A2M: variants seen among roughly 807,000 people sequenced by gnomAD.
The protein encoded by A2M is C3 and PZP-like alpha-2-macroglobulin domain-containing protein 5.
A neutral mutation model predicts 183.9 loss-of-function variants in A2M; 128 were observed. The observed-to-expected ratio is 0.70, with a 90% CI of 0.60 to 0.81. The LOEUF is 0.81. Among genes scored for constraint, A2M ranks in the 30% least tolerant of loss-of-function variants. The pLI, the probability that A2M is intolerant of heterozygous loss-of-function variation, is 0.00. For synonymous variants in A2M, 592 were observed against 670.8 expected, an observed-to-expected ratio of 0.88 and a Z score of 1.81; for missense variants, 1,495 against 1,787.6, an observed-to-expected ratio of 0.84 and a Z score of 2.95.
chr12:9,109,622 C>T (rs1938572813), intron 6 of A2M, among the ~76,000 whole-genome samples: 1 of 152,152 alleles, frequency 6.6e-6, no homozygotes, highest in South Asian at 2.1e-4. Flanking sequence ...TGGAAAACTC[C>T]ATTAAAACAA....
intron 8 of A2M, 50 bp from the exon 9 acceptor site, chr12:9,106,655 A>G: frequency 1.1e-6 from 1 of 939,126 alleles, no homozygotes; most frequent in Non-Finnish European, 1.7e-6. Flanking sequence ...ATTATACTAA[A>G]TAGATCAGTG....
Position 9,102,820 on chromosome 12 carries a change from T to G in A2M, c.1267-1146A>C, listed in dbSNP as rs183291684. 3.0e-4 allele frequency among the ~76,000 whole-genome samples: 46 copies of G among 152,346 alleles called. No individual in the cohort carries two copies. The East Asian group carries it at 8.5e-3, about 28-fold the overall frequency. On this transcript the variant is annotated intron_variant, in intron 11 of 35. Coordinates refer to ENST00000318602, the MANE Select transcript of A2M (RefSeq NM_000014.6). Reference sequence around the variant, plus strand: ...GGCACGTGGAAAGCATTCAAGACACTTTTTGAAATGAGTAAACATTCAAAT... The same window carrying G: ...GGCACGTGGAAAGCATTCAAGACACGTTTTGAAATGAGTAAACATTCAAAT...
chr12:9,101,332 C>A (rs1376287852), intron 12 of A2M, 115 bp downstream of exon 12: 4 of 1,348,732 alleles, frequency 3.0e-6, no homozygotes, highest in Non-Finnish European at 4.1e-6. Context: ...ATCAAACTTT[C>A]AAAAGGAACA....
Position 9,070,536 on chromosome 12 carries a change from A to G in A2M, c.4146T>C (p.Asp1382=). 1 of 1,613,902 alleles carries G rather than the reference A, an allele frequency of 6.2e-7. No homozygotes were observed. Among genetic ancestry groups the G allele is most frequent in the Non-Finnish European group, 8.5e-7 (1 of 1,179,860 alleles). ...SRSASNMAIV[D]VKMVSGFIPL... ...GAATGAAGCCAGAGACCATCTTCAC[A>G]TCAACGATCGCCATGTTGGAGGCAG... Residue 1382 remains aspartate, a synonymous_variant, in exon 32 of 36, where the codon GAT becomes GAC. Coordinates refer to ENST00000318602, the MANE Select transcript of A2M (RefSeq NM_000014.6).
intron 35 of A2M, 111 bp from the exon 36 acceptor site, chr12:9,067,950 C>T: frequency 1.8e-6 from 2 of 1,095,204 alleles, no homozygotes; most frequent in South Asian, 2.7e-5. Flanking sequence ...CTAATCAGTA[C>T]AGTGGGAAAC....
chr12:9,101,653 G>A lies in A2M; in HGVS notation c.1288C>T (p.Pro430Ser), dbSNP rs759075060. The A allele has an allele frequency of 6.2e-7, 1 of 1,613,644 alleles. No individual in the cohort carries two copies. The highest frequency in any genetic ancestry group is 8.5e-7 in the Non-Finnish European group (1 of 1,179,656). The change falls in exon 12 of 36, where the codon CCC becomes TCC. Residue 430 changes from proline (P) to serine (S), a missense_variant. Pro to Ser is a moderately conservative substitution (Grantham distance 74). Transcript: ENST00000318602. The part of the protein sequence containing the change: ...TVRVNYKDRS[P>S]CYGYQWVSEE... ...GACACCCACTGGTAGCCGTAACAGG[G>A]ACTACGATCCTTGTAATTGACCTAA... is the stretch of plus-strand genomic sequence containing the variant.
At chr12:9,108,302 T>A (rs1250444490) in intron 7 of A2M, among the ~76,000 whole-genome samples, 3 of 151,852 alleles carry the variant, frequency 2.0e-5, no homozygotes, top group Admixed American at 6.6e-5. Flanking sequence ...ATTTTTTGTA[T>A]TTTTTAGTAG....
At chr12:9,101,322 ATCAAACTT>A (rs1191488355) in intron 12 of A2M, 115 bp from the exon 13 acceptor site, 20 of 1,369,630 alleles carry the variant, frequency 1.5e-5, no homozygotes, top group Non-Finnish European at 2.0e-5. Flanking sequence ...CTCAAGAGAA[ATCAAACTT>A]TCAAAAGGAA....
intron 18 of A2M, among the ~76,000 whole-genome samples, chr12:9,092,480 G>A (rs900701509): frequency 3.9e-5 from 6 of 152,266 alleles, no homozygotes; most frequent in Middle Eastern, 3.4e-3. Context: ...TCTCCTAAGG[G>A]TTGGGCTTCT....
intron 25 of A2M, among the ~76,000 whole-genome samples, chr12:9,078,190 T>C (rs1180426719): frequency 7.9e-5 from 12 of 152,148 alleles, no homozygotes; most frequent in Admixed American, 7.9e-4. Flanking sequence ...TTCCCTCCCG[T>C]CACCCCACAC....
At chr12:9,110,141 T>A in intron 5 of A2M, 106 bp from the exon 6 acceptor site, 1 of 1,281,200 alleles carries the variant, frequency 7.8e-7, no homozygotes, top group Non-Finnish European at 1.1e-6. Flanking sequence ...TCAAATGGGG[T>A]AGTAGTAAAG....
intron 13 of A2M, 44 bp downstream of exon 13, chr12:9,101,099 TG>T (rs1206904143): frequency 6.6e-7 from 1 of 1,525,126 alleles, no homozygotes; most frequent in South Asian, 1.2e-5. Flanking sequence ...TAAGGCTGAA[TG>T]GGTCAGAATG....
intron 16 of A2M, among the ~76,000 whole-genome samples, chr12:9,095,329 G>GA (rs1301222776): frequency 1.7e-4 from 26 of 152,116 alleles, no homozygotes; most frequent in African/African-American, 5.1e-4. Flanking sequence ...TAATTCCTGT[G>GA]AAAAAAGAAA....
chr12:9,090,264 C>A, intron 20 of A2M, 92 bp downstream of exon 20: 1 of 1,581,972 alleles, frequency 6.3e-7, no homozygotes, highest in South Asian at 1.1e-5. Flanking sequence ...ATCTAGTGGT[C>A]TTTTCCTGAA....
intron 18 of A2M, 102 bp downstream of exon 18, chr12:9,093,363 A>T: frequency 1.3e-6 from 1 of 754,892 alleles, no homozygotes; most frequent in South Asian, 1.6e-5. Context: ...CATGTTGTAC[A>T]TCATAAACAT....
Position 9,101,908 on chromosome 12 carries a change from C to T in A2M, c.1267-234G>A, listed in dbSNP as rs369382809. The stretch of plus-strand genomic sequence containing the variant: ...GATTGAGATTTATATTTCTTAAGAG[C>T]ATAAAAGGAGGCATCCTTTGCTCTG... On this transcript the variant is annotated intron_variant, in intron 11 of 35. Transcript: ENST00000318602. Among the ~76,000 whole-genome samples the T allele has an allele frequency of 3.3e-5, 5 of 152,250 alleles. No individual in the cohort carries two copies. In the South Asian group the frequency reaches 6.2e-4, roughly 19 times the overall value.
chr12:9,101,708 TTATACGTCATAA>T, intron 11 of A2M, 34 bp from the exon 12 acceptor site: 1 of 1,469,506 alleles, frequency 6.8e-7, no homozygotes, highest in Non-Finnish European at 9.3e-7. Context: ...TATTTTTAGA[TTATACGTCATAA>T]AGATTAATGT....
intron 22 of A2M, among the ~76,000 whole-genome samples, chr12:9,086,745 TG>T: frequency 6.6e-6 from 1 of 152,322 alleles, no homozygotes; most frequent in Non-Finnish European, 1.5e-5. Flanking sequence ...GGATACCCAC[TG>T]CCACCATTTA....
chr12:9,090,895 G>A (rs919533779), intron 19 of A2M, among the ~76,000 whole-genome samples: 2 of 152,170 alleles, frequency 1.3e-5, no homozygotes, highest in African/African-American at 4.8e-5. Flanking sequence ...GCTACGAAAA[G>A]TTAAATATAT....
Sources: gnomAD v4.1 joint callset for allele counts (sites outside exome capture counted in the v4.1 genomes callset) on GRCh38, gnomAD v4.1.1 for gene constraint, MANE v1.5 for transcripts, NCBI Gene and HGNC (gene_info 2026-07-23, HGNC 2026-07-21) for gene names.